Variants in HK2 observed in about 807,000 individuals in gnomAD.
HK2 encodes the protein hexokinase-2.
In HK2, 42 loss-of-function variants were observed where a neutral mutation model predicts 92.9. The observed-to-expected ratio is 0.45, with a 90% confidence interval of 0.35 to 0.58. The LOEUF is 0.58. HK2 is among the 20% of genes least tolerant of loss of function. HK2 has a pLI of 0.00. For missense variants in HK2, 978 were observed against 1,245.1 expected, an observed-to-expected ratio of 0.79 and a Z score of 3.23; for synonymous variants, 422 against 468.0, an observed-to-expected ratio of 0.90 and a Z score of 1.27.
chr2:74,866,584 T>C (rs1008836519), intron 2 of HK2, among the ~76,000 whole-genome samples: 2 of 152,194 alleles, frequency 1.3e-5, no homozygotes, highest in Non-Finnish European at 2.9e-5. Flanking sequence ...AGGATCTGGA[T>C]GTTTCCTGTC....
intron 12 of HK2, 120 bp downstream of exon 12, chr2:74,882,359 C>G: frequency 6.8e-7 from 1 of 1,468,708 alleles, no homozygotes; most frequent in Non-Finnish European, 9.5e-7. Context: ...CGTGAGTTAC[C>G]AGTAGTGGGG....
Position 74,881,650 on chromosome 2 carries a change from A to T in HK2, c.1571-61A>T. On this transcript the variant is annotated intron_variant, in intron 10 of 17. Transcript: ENST00000290573. ...GGTGTATTTGGATCGTTTTAAGTGT[A>T]CTGTCTCCACATTCCCCATGTTCTG... The T allele has an allele frequency of 8.4e-6, 13 of 1,552,954 alleles. No homozygotes were observed. The South Asian group carries it at 1.1e-4, about 13-fold the overall frequency.
chr2:74,867,001 G>C (rs2103934046), intron 2 of HK2, among the ~76,000 whole-genome samples: 1 of 152,240 alleles, frequency 6.6e-6, no homozygotes, highest in South Asian at 2.1e-4. Flanking sequence ...TTAATACCGT[G>C]CTTGCAATTT....
intron 1 of HK2, among the ~76,000 whole-genome samples, chr2:74,835,828 T>A (rs974658783): frequency 9.2e-5 from 14 of 152,230 alleles, no homozygotes; most frequent in African/African-American, 3.4e-4. Context: ...CAATATCTGA[T>A]GGGAACACAT....
chr2:74,887,870 A>G (rs376621008), intron 15 of HK2, 33 bp from the exon 16 acceptor site: 36 of 1,610,406 alleles, frequency 2.2e-5, no homozygotes, highest in Middle Eastern at 2.0e-4. Context: ...CCACCTTCCT[A>G]CTTAACCTCC....
At position 74,873,192 on chromosome 2, in the gene HK2, C is replaced by T. The variant is rs1573380195; in HGVS notation, c.496-84C>T. 3 of 992,782 alleles carry T rather than the reference C, an allele frequency of 3.0e-6. No homozygotes were observed. The East Asian group carries it at 7.2e-5, about 24-fold the overall frequency. 61.5% of individuals were successfully genotyped at this position (992,782 alleles called of 1,614,324 possible). The stretch of plus-strand genomic sequence containing the variant: ...GACTTTACCCCAGTGGCAGAGGTCT[C>T]TGCTAATGACGGAGGTTTGAGGGGT... On this transcript the variant is annotated intron_variant, in intron 4 of 17. Transcript: ENST00000290573.
chr2:74,845,717 G>A (rs1657285801), intron 1 of HK2, among the ~76,000 whole-genome samples: 1 of 152,232 alleles, frequency 6.6e-6, no homozygotes, highest in Non-Finnish European at 1.5e-5. Context: ...CAAGTTCCTT[G>A]TCCCATCTGA....
At position 74,834,511 on chromosome 2, in the gene HK2, C is replaced by G. The variant is rs1267516818; in HGVS notation, c.-70C>G. 3.3e-6 allele frequency: 5 copies of G among 1,509,298 alleles called. No individual in the cohort carries two copies. Among genetic ancestry groups the G allele is most frequent in the South Asian group, 1.1e-5 (1 of 88,558 alleles). The allele number at this position is 1,509,298 out of a possible 1,614,324, so 93.5% of individuals were successfully genotyped here. A position where few individuals can be genotyped will look rare whatever the true frequency, so the allele number is the denominator to read the frequency against. On this transcript the variant is annotated 5_prime_UTR_variant, in exon 1 of 18. Coordinates refer to ENST00000290573, the MANE Select transcript of HK2 (RefSeq NM_000189.5). This position sits in a 1 kb window ranked among gnomAD's most constrained non-coding sequence, Gnocchi z 4.2. ...GAGCCCCAGCACAAAGCAGTCGGAC[C>G]GCGCCGCCCGCCTCCCCTCTCGCGT...
intron 3 of HK2, among the ~76,000 whole-genome samples, chr2:74,870,684 C>A (rs551549708): frequency 6.6e-6 from 1 of 151,842 alleles, no homozygotes; most frequent in African/African-American, 2.4e-5. Context: ...AGTCACCTTC[C>A]CGACAGAACA....
At chr2:74,890,710 C>T (rs1689655700) in intron 17 of HK2, 87 bp from the exon 18 acceptor site, 12 of 1,413,412 alleles carry the variant, frequency 8.5e-6, no homozygotes, top group South Asian at 2.3e-5. Context: ...TTTCCAGCAT[C>T]GCTTCTTAGC....
intron 1 of HK2, among the ~76,000 whole-genome samples, chr2:74,840,080 C>T (rs1190496841): frequency 1.3e-5 from 2 of 151,156 alleles, no homozygotes; most frequent in Admixed American, 6.6e-5. Flanking sequence ...CTCAGCCTCC[C>T]GAGTAGCTGG....
At chr2:74,848,827 C>T (rs1688500869) in intron 1 of HK2, among the ~76,000 whole-genome samples, 1 of 152,204 alleles carries the variant, frequency 6.6e-6, no homozygotes, top group Non-Finnish European at 1.5e-5. Flanking sequence ...CTTTCAGTTG[C>T]ATTGGGCCTG....
intron 1 of HK2, among the ~76,000 whole-genome samples, chr2:74,849,904 C>T (rs1418295611): frequency 6.6e-6 from 1 of 152,208 alleles, no homozygotes; most frequent in African/African-American, 2.4e-5. Context: ...TTCACCACCA[C>T]CAGCTACAAA....
chr2:74,878,342 C>A (rs926491644), intron 8 of HK2, among the ~76,000 whole-genome samples: 28 of 152,094 alleles, frequency 1.8e-4, no homozygotes, highest in African/African-American at 7.2e-5. Context: ...TGGTAAAGCA[C>A]CAAGAACAGG....
At chr2:74,877,405 T>G (rs1407578879) in intron 8 of HK2, 84 bp downstream of exon 8, 11 of 1,484,852 alleles carry the variant, frequency 7.4e-6, no homozygotes, top group Non-Finnish European at 8.5e-6. Context: ...GGGCTGTACC[T>G]TTTGACTCTT....
Position 74,892,171 on chromosome 2 carries a change from A to C in HK2, c.*1230A>C, listed in dbSNP as rs1558808708. On this transcript the variant is annotated 3_prime_UTR_variant, in exon 18 of 18. Coordinates refer to ENST00000290573, the MANE Select transcript of HK2 (RefSeq NM_000189.5). The stretch of plus-strand genomic sequence containing the variant: ...CGTTTCAAATGGACTCATGGCTTAG[A>C]AATCTTTATTCTTAGGGCAGTCAGT... 1.3e-5 allele frequency: 2 copies of C among 152,444 alleles called. No individual in the cohort carries two copies. Among genetic ancestry groups the C allele is most frequent in the Non-Finnish European group, 2.9e-5 (2 of 68,046 alleles). The allele number at this position is 152,444 out of a possible 1,614,324, so 9.4% of individuals were successfully genotyped here. A position where few individuals can be genotyped will look rare whatever the true frequency, so the allele number is the denominator to read the frequency against.
chr2:74,886,444 G>GA (rs1485727886), intron 14 of HK2, 46 bp from the exon 15 acceptor site: 1 of 1,613,866 alleles, frequency 6.2e-7, no homozygotes, highest in South Asian at 1.1e-5. Context: ...CCTTGGGTGT[G>GA]GAGGGGTTGG....
rs66946936 is a variant in HK2 at position 74,870,001 on chromosome 2, C to CT, written c.375+2235dup. ...TTTAAGGTCTTTTTTCTTTTCTTTT[C>CT]TTTTTTTTTTTTTTTTTTGAGACAG... On this transcript the variant is annotated intron_variant, in intron 3 of 17. Coordinates refer to ENST00000290573, the MANE Select transcript of HK2 (RefSeq NM_000189.5). Among the ~76,000 whole-genome samples, 747 of 121,460 alleles carry CT rather than the reference C, an allele frequency of 6.2e-3. 4 individuals carry two copies. Among genetic ancestry groups the CT allele is most frequent in the South Asian group, 0.031 (117 of 3,748 alleles). The allele number at this position is 121,460 out of a possible 152,430, so 79.7% of individuals were successfully genotyped here. A position where few individuals can be genotyped will look rare whatever the true frequency, so the allele number is the denominator to read the frequency against.
At chr2:74,875,844 A>G (rs1305900710) in intron 7 of HK2, among the ~76,000 whole-genome samples, 1 of 152,150 alleles carries the variant, frequency 6.6e-6, no homozygotes, top group African/African-American at 2.4e-5. Flanking sequence ...GCCCTTTCAA[A>G]TGTCAAAAGA....
Sources: allele counts gnomAD v4.1 joint callset (sites outside exome capture counted in the v4.1 genomes callset), GRCh38; gene constraint gnomAD v4.1.1; non-coding constraint Gnocchi (gnomAD v3.1); transcripts MANE v1.5; gene names NCBI Gene and HGNC (gene_info 2026-07-23, HGNC 2026-07-21).